Variants in CYTH3 observed in about 807,000 individuals in gnomAD.
CYTH3 encodes the protein cytohesin 3, also known as cytohesin-3.
A neutral mutation model predicts 55.1 loss-of-function variants in CYTH3; 23 were observed. The ratio of observed to expected loss-of-function variants is 0.42; its 90% CI spans 0.30 to 0.59. CYTH3 has a LOEUF of 0.59. Ranked by LOEUF, CYTH3 falls within the 20% of genes least tolerant of loss-of-function variation. The pLI, the probability that CYTH3 is intolerant of heterozygous loss-of-function variation, is 0.20. For missense variants in CYTH3, 413 were observed against 524.8 expected, an observed-to-expected ratio of 0.79 and a Z score of 2.08; for synonymous variants, 249 against 194.9, an observed-to-expected ratio of 1.28 and a Z score of -2.31.
Position 6,170,133 on chromosome 7 carries a change from AC to A in CYTH3, c.823+401del. 1 of 185,860 alleles carries A rather than the reference AC, an allele frequency of 5.4e-6. No individual in the cohort carries two copies. Among genetic ancestry groups the A allele is most frequent in the Non-Finnish European group, 1.1e-5 (1 of 88,726 alleles). The allele number at this position is 185,860 out of a possible 1,614,324, so 11.5% of individuals were successfully genotyped here. Reference sequence around the variant, plus strand: ...GTCACAGAACAGAAAGGTGGGAGCCACAGGCAGAAGGAAAACAACAAGAAGG... The same window carrying A: ...GTCACAGAACAGAAAGGTGGGAGCCAAGGCAGAAGGAAAACAACAAGAAGG... On this transcript the variant is annotated intron_variant, in intron 9 of 12. Coordinates refer to ENST00000350796, the MANE Select transcript of CYTH3 (RefSeq NM_004227.4). The surrounding 1 kb of genome is among the most constrained non-coding windows in gnomAD (Gnocchi z 7.8).
intron 1 of CYTH3, among the ~76,000 whole-genome samples, chr7:6,237,281 T>C (rs1779548072): frequency 6.6e-6 from 1 of 152,196 alleles, no homozygotes; most frequent in East Asian, 1.9e-4. Context: ...TGGGGAACAG[T>C]CTGAGCTATG....
chr7:6,162,914 C>T lies in CYTH3; in HGVS notation c.*2030G>A, dbSNP rs1462995272. On this transcript the variant is annotated 3_prime_UTR_variant, in exon 13 of 13. Coordinates refer to ENST00000350796, the MANE Select transcript of CYTH3 (RefSeq NM_004227.4). ...GGCCAGTCTTGGGTGCCGGGCCAGC[C>T]TGAGGGGTGGGCACCGCCGGAGCCG... The T allele has an allele frequency of 6.5e-6, 1 of 152,678 alleles. No individual in the cohort carries two copies. Among genetic ancestry groups the T allele is most frequent in the African/African-American group, 2.4e-5 (1 of 41,460 alleles). 9.5% of individuals were successfully genotyped at this position (152,678 alleles called of 1,614,324 possible).
chr7:6,226,372 C>T (rs1457253572), intron 1 of CYTH3, among the ~76,000 whole-genome samples: 2 of 152,174 alleles, frequency 1.3e-5, no homozygotes, highest in South Asian at 2.1e-4. Context: ...TCTGGCATTC[C>T]ATTTCCCATT....
intron 1 of CYTH3, among the ~76,000 whole-genome samples, chr7:6,247,502 C>A (rs745341368): frequency 6.6e-6 from 1 of 152,066 alleles, no homozygotes. Flanking sequence ...ATCTTCTTTA[C>A]GAACAACATT....
At chr7:6,259,752 ATATATTATATATATATATAT>A (rs1780238102) in intron 1 of CYTH3, among the ~76,000 whole-genome samples, 5 of 11,990 alleles carry the variant, frequency 4.2e-4, no homozygotes, top group South Asian at 2.1e-3. Context: ...TAATATATAT[ATATATTATATATATATATAT>A]TATATATATA....
intron 1 of CYTH3, among the ~76,000 whole-genome samples, chr7:6,243,021 G>C (rs1240839326): frequency 2.0e-5 from 3 of 152,168 alleles, no homozygotes; most frequent in African/African-American, 7.2e-5. Context: ...TTCTCTAGGA[G>C]GTAAAACTTG....
intron 1 of CYTH3, among the ~76,000 whole-genome samples, chr7:6,241,121 A>T (rs1779662156): frequency 6.8e-6 from 1 of 147,674 alleles, no homozygotes; most frequent in African/African-American, 2.5e-5. Context: ...GACTCATCTC[A>T]AAAAAAAAAA....
intron 2 of CYTH3, among the ~76,000 whole-genome samples, chr7:6,188,389 G>C (rs888209152): frequency 6.6e-6 from 1 of 151,588 alleles, no homozygotes; most frequent in African/African-American, 2.4e-5. Context: ...GGAAAGCCAT[G>C]AGTCCTCAGT....
At chr7:6,223,375 G>A (rs566211629) in intron 1 of CYTH3, among the ~76,000 whole-genome samples, 32 of 152,292 alleles carry the variant, frequency 2.1e-4, no homozygotes, top group African/African-American at 6.5e-4. Flanking sequence ...TGACGATGGC[G>A]GTTTTGTCGA....
intron 1 of CYTH3, among the ~76,000 whole-genome samples, chr7:6,220,280 G>T (rs1784523025): frequency 6.6e-6 from 1 of 152,024 alleles, no homozygotes; most frequent in Non-Finnish European, 1.5e-5. Flanking sequence ...TGCAGCAATT[G>T]GCTATTCATA....
At chr7:6,218,590 A>G (rs988824583) in intron 1 of CYTH3, among the ~76,000 whole-genome samples, 7 of 152,320 alleles carry the variant, frequency 4.6e-5, no homozygotes, top group African/African-American at 1.7e-4. Flanking sequence ...CAGCTATAAC[A>G]AATACCTAAA....
rs1783120434 is a variant in CYTH3, at chr7:6,169,844, G to T, written c.823+691C>A. Among the ~76,000 whole-genome samples, 1 of 152,236 alleles carries T rather than the reference G, an allele frequency of 6.6e-6. No individual in the cohort carries two copies. The highest frequency in any genetic ancestry group is 2.4e-5 in the African/African-American group (1 of 41,548). Reference sequence around the variant, plus strand: ...TGCTGCGGACCCCTAGAGACACAGGGTGGGGGGCAAGTTGGTTCCCACACA... The same window carrying T: ...TGCTGCGGACCCCTAGAGACACAGGTTGGGGGGCAAGTTGGTTCCCACACA... On this transcript the variant is annotated intron_variant, in intron 9 of 12. Coordinates refer to ENST00000350796, the MANE Select transcript of CYTH3 (RefSeq NM_004227.4). The surrounding 1 kb of genome is among the most constrained non-coding windows in gnomAD (Gnocchi z 4.1).
chr7:6,173,058 C>A, intron 6 of CYTH3: 1 of 1,073,594 alleles, frequency 9.3e-7, no homozygotes, highest in Non-Finnish European at 1.1e-6. Context: ...TCCTCTCCCC[C>A]GGATGCTGCT....
chr7:6,180,092 G>A lies in CYTH3; in HGVS notation c.250-2151C>T, dbSNP rs1162791090. ...TGAGGCCGGTGGAGAAGCCAGGTGA[G>A]GCCATCAGCTGCAGGTGGGAGGAGA... On this transcript the variant is annotated intron_variant, in intron 4 of 12. Coordinates refer to ENST00000350796, the MANE Select transcript of CYTH3 (RefSeq NM_004227.4). Among the ~76,000 whole-genome samples, 6 of 152,190 alleles carry A rather than the reference G, an allele frequency of 3.9e-5. No individual in the cohort carries two copies. The East Asian group carries it at 7.7e-4, about 20-fold the overall frequency.
intron 1 of CYTH3, among the ~76,000 whole-genome samples, chr7:6,219,003 C>CAAAAAAA (rs35386425): frequency 1.3e-5 from 1 of 74,302 alleles, no homozygotes. Context: ...GACTCCGTCT[C>CAAAAAAA]AAAAAAAAAA....
chr7:6,201,321 G>A (rs2128546881), intron 1 of CYTH3, among the ~76,000 whole-genome samples: 1 of 152,304 alleles, frequency 6.6e-6, no homozygotes, highest in Middle Eastern at 3.4e-3. Context: ...CTGAGCTGCA[G>A]GGGCAGGCAG....
intron 1 of CYTH3, among the ~76,000 whole-genome samples, chr7:6,211,191 GCTCCAGCTCC>G (rs1164893741): frequency 3.3e-5 from 5 of 152,304 alleles, no homozygotes; most frequent in South Asian, 4.1e-4. Flanking sequence ...CACCTGGCTG[GCTCCAGCTCC>G]CTCCAGCTCC....
chr7:6,266,660 T>C (rs115716459), intron 1 of CYTH3, among the ~76,000 whole-genome samples: 15 of 152,288 alleles, frequency 9.8e-5, no homozygotes, highest in African/African-American at 3.6e-4. Flanking sequence ...CCACTACCCC[T>C]ATAGATTGCA....
At chr7:6,229,363 T>C (rs1054592738) in intron 1 of CYTH3, among the ~76,000 whole-genome samples, 2 of 152,198 alleles carry the variant, frequency 1.3e-5, no homozygotes, top group East Asian at 3.8e-4. Context: ...CATTTTCCTA[T>C]GAGACACACA....
Sources: allele counts gnomAD v4.1 joint callset (sites outside exome capture counted in the v4.1 genomes callset), GRCh38; gene constraint gnomAD v4.1.1; non-coding constraint Gnocchi (gnomAD v3.1); transcripts MANE v1.5; gene names NCBI Gene and HGNC (gene_info 2026-07-23, HGNC 2026-07-21).